The following GANAB variants were observed in gnomAD, a reference collection of about 807,000 sequenced individuals.
GANAB encodes the protein neutral alpha-glucosidase AB.
In GANAB, 35 loss-of-function variants were observed where a neutral mutation model predicts 129.9. The ratio of observed to expected loss-of-function variants is 0.27; its 90% CI spans 0.21 to 0.36. The LOEUF (loss-of-function observed/expected upper bound fraction) is 0.36. GANAB is among the 10% of genes least tolerant of loss of function. The pLI, the probability that GANAB is intolerant of heterozygous loss-of-function variation, is 1.00. For missense variants in GANAB, 939 were observed against 1,221.0 expected, an observed-to-expected ratio of 0.77 and a Z score of 3.44; for synonymous variants, 482 against 451.8, an observed-to-expected ratio of 1.07 and a Z score of -0.85.
chr11:62,640,502 C>A (rs1285968966), intron 1 of GANAB, among the ~76,000 whole-genome samples: 2 of 123,422 alleles, frequency 1.6e-5, no homozygotes, highest in African/African-American at 6.3e-5. Flanking sequence ...CACTGCACTC[C>A]AGCCTGGGTG....
rs765191082 is a variant in GANAB, at chr11:62,625,793, CT to C, written c.*21del. On this transcript the variant is annotated 3_prime_UTR_variant, in exon 24 of 24. Coordinates refer to ENST00000356638, the MANE Select transcript of GANAB (RefSeq NM_198334.3). ...GCACTAATGCTCCCCTTCCCTCCCC[CT>C]AACCCAGAACATCCCTTGGGTTATC... 13 of 1,445,352 alleles carry C rather than the reference CT, an allele frequency of 9.0e-6. No individual in the cohort carries two copies. Among genetic ancestry groups the C allele is most frequent in the African/African-American group, 2.8e-5 (2 of 71,690 alleles). 89.5% of individuals were successfully genotyped at this position (1,445,352 alleles called of 1,614,324 possible). A position where few individuals can be genotyped will look rare whatever the true frequency, so the allele number is the denominator to read the frequency against.
intron 5 of GANAB, chr11:62,634,261 A>C: frequency 1.6e-6 from 2 of 1,251,954 alleles, no homozygotes; most frequent in Non-Finnish European, 2.4e-6. Flanking sequence ...AGAGTGAGGA[A>C]TGGGTAAGGG....
At chr11:62,626,799 T>A in intron 20 of GANAB, 61 bp downstream of exon 20, 1 of 1,378,142 alleles carries the variant, frequency 7.3e-7, no homozygotes, top group Non-Finnish European at 1.0e-6. Context: ...AGGCACACAT[T>A]CCCTCCCCTT....
At chr11:62,645,606 A>T (rs1944444782) in intron 1 of GANAB, among the ~76,000 whole-genome samples, 3 of 152,028 alleles carry the variant, frequency 2.0e-5, no homozygotes, top group South Asian at 4.2e-4. Context: ...AGTCTGTAAA[A>T]TTGGTTCGGA....
chr11:62,633,524 A>G lies in GANAB; in HGVS notation c.561-10T>C, dbSNP rs1440033240. On this transcript the variant is annotated splice_polypyrimidine_tract_variant and intron_variant, in intron 5 of 23. Coordinates refer to ENST00000356638, the MANE Select transcript of GANAB (RefSeq NM_198334.3). ...GTCTTTTGATCCTTGCCTGGAAGGT[A>G]GGAGAGCTGTCTGCTCCAATCCAGA... The G allele has an allele frequency of 6.2e-7, 1 of 1,613,484 alleles. No homozygotes were observed. Among genetic ancestry groups the G allele is most frequent in the South Asian group, 1.1e-5 (1 of 91,068 alleles).
At chr11:62,642,926 G>C (rs1209012738) in intron 1 of GANAB, among the ~76,000 whole-genome samples, 1 of 152,158 alleles carries the variant, frequency 6.6e-6, no homozygotes, top group East Asian at 1.9e-4. Flanking sequence ...TAGCTGGTAA[G>C]GGATGAAACG....
chr11:62,634,451 A>T, intron 5 of GANAB: 2 of 943,810 alleles, frequency 2.1e-6, no homozygotes, highest in Non-Finnish European at 3.5e-6. Context: ...CATAAAAGTG[A>T]GTTTCAGTCG....
intron 4 of GANAB, 64 bp from the exon 5 acceptor site, chr11:62,635,064 A>G (rs1396465480): frequency 2.5e-6 from 3 of 1,196,486 alleles, no homozygotes; most frequent in South Asian, 2.6e-5. Context: ...ATGACACTTT[A>G]GAAGACCGGG....
At chr11:62,632,769 G>A in intron 8 of GANAB, 24 bp from the exon 9 acceptor site, 1 of 1,600,240 alleles carries the variant, frequency 6.2e-7, no homozygotes, top group South Asian at 1.1e-5. Context: ...GACAGACTTG[G>A]GCTGCTAACT....
Position 62,628,819 on chromosome 11 carries a change from G to A in GANAB, c.2130C>T (p.Phe710=), listed in dbSNP as rs1285439399. 1.2e-6 allele frequency: 2 copies of A among 1,614,028 alleles called. No individual in the cohort carries two copies. The highest frequency in any genetic ancestry group is 1.7e-6 in the Non-Finnish European group (2 of 1,179,920). Reference sequence around the variant, plus strand: ...GGGCCTGATATAAGAGGGTGTACCAGAAGGGCAGCAAAGAATATCGCTGGC... The same window carrying A: ...GGGCCTGATATAAGAGGGTGTACCAAAAGGGCAGCAAAGAATATCGCTGGC... ...ALGQRYSLLP[F]WYTLLYQAHR... is the part of the protein sequence containing the mutation. The change falls in exon 17 of 24, where the codon TTC becomes TTT. Residue 710 remains phenylalanine (F), a synonymous_variant. Transcript: ENST00000356638.
At chr11:62,634,382 C>T in intron 5 of GANAB, 1 of 1,598,982 alleles carries the variant, frequency 6.3e-7, no homozygotes. Context: ...GAAACTGGGG[C>T]AGGAGGAGAT....
chr11:62,634,940 G>A lies in GANAB; in HGVS notation c.441C>T (p.Tyr147=). The A allele has an allele frequency of 6.2e-7, 1 of 1,613,694 alleles. No individual in the cohort carries two copies. The highest frequency in any genetic ancestry group is 8.5e-7 in the Non-Finnish European group (1 of 1,179,570). ...SVELTMAEGP[Y]KIILTARPFR... ...ATGGCCGTGCTGTCAAGATGATCTT[G>A]TAGGGTCCCTCAGCCATGGTTAACT... Residue 147 remains tyrosine, a synonymous_variant, in exon 5 of 24, where the codon TAC becomes TAT. Coordinates refer to ENST00000356638, the MANE Select transcript of GANAB (RefSeq NM_198334.3).
In GANAB at chr11:62,627,118, G is replaced by A. The variant is rs140219733; in HGVS notation, c.2252C>T (p.Ala751Val). Residue 751 changes from alanine (A) to valine (V), a missense_variant, in exon 19 of 24, where the codon GCG becomes GTG. Ala to Val is a moderately conservative substitution (Grantham distance 64). Transcript: ENST00000356638. ...NIDDQYLLGDALLVHPVSDSG... is the reference protein window; with the variant it reads ...NIDDQYLLGDVLLVHPVSDSG... Reference sequence around the variant, plus strand: ...GTCTGATACAGGGTGAACCAGCAACGCATCCCCTAAAATATGCCAGAATCA... The same window carrying A: ...GTCTGATACAGGGTGAACCAGCAACACATCCCCTAAAATATGCCAGAATCA... 2.0e-5 allele frequency: 33 copies of A among 1,612,584 alleles called. No individual in the cohort carries two copies. Among genetic ancestry groups the A allele is most frequent in the African/African-American group, 5.3e-5 (4 of 74,946 alleles).
intron 4 of GANAB, among the ~76,000 whole-genome samples, chr11:62,637,022 A>G (rs1943976746): frequency 6.6e-6 from 1 of 152,124 alleles, no homozygotes; most frequent in African/African-American, 2.4e-5. Flanking sequence ...AAAGACTGAT[A>G]CATCTAAATA....
chr11:62,643,475 T>TA (rs1215463367), intron 1 of GANAB, among the ~76,000 whole-genome samples: 1 of 151,562 alleles, frequency 6.6e-6, no homozygotes, highest in Non-Finnish European at 1.5e-5. Context: ...CCGTCTCTAC[T>TA]AAAAATACAA....
intron 5 of GANAB, chr11:62,634,388 G>A: frequency 1.9e-6 from 3 of 1,583,196 alleles, no homozygotes; most frequent in Non-Finnish European, 2.6e-6. Context: ...GGGGCAGGAG[G>A]AGATGGGTAG....
At chr11:62,644,089 C>A (rs1195222688) in intron 1 of GANAB, among the ~76,000 whole-genome samples, 1 of 152,032 alleles carries the variant, frequency 6.6e-6, no homozygotes, top group African/African-American at 2.4e-5. Flanking sequence ...GGATTACAGG[C>A]GCGTGCCACC....
chr11:62,630,052 T>C lies in GANAB; in HGVS notation c.1594-95A>G, dbSNP rs576361117. The C allele has an allele frequency of 9.1e-5, 132 of 1,452,992 alleles. 2 individuals carry two copies. In the Middle Eastern group the frequency reaches 2.7e-3, roughly 30 times the overall value. The allele number at this position is 1,452,992 out of a possible 1,614,324, so 90.0% of individuals were successfully genotyped here. A position where few individuals can be genotyped will look rare whatever the true frequency, so the allele number is the denominator to read the frequency against. On this transcript the variant is annotated intron_variant, in intron 13 of 23. Transcript: ENST00000356638. ...GAGAGCTCCTAGGAATCTAAAAAGATGCATTTTTCAGGGCCCTCCCCGGAT... is the reference window on the plus strand; with the variant it reads ...GAGAGCTCCTAGGAATCTAAAAAGACGCATTTTTCAGGGCCCTCCCCGGAT...
At position 62,624,932 on chromosome 11, in the gene GANAB, A is replaced by G. The variant is rs1219521531; in HGVS notation, c.*883T>C. ...ACCCACAAATATTCCCCGACTCCCCATTAGTCCTCCCCCAACCCCCCACCC... is the reference window on the plus strand; with the variant it reads ...ACCCACAAATATTCCCCGACTCCCCGTTAGTCCTCCCCCAACCCCCCACCC... On this transcript the variant is annotated 3_prime_UTR_variant, in exon 24 of 24. Coordinates refer to ENST00000356638, the MANE Select transcript of GANAB (RefSeq NM_198334.3). The G allele has an allele frequency of 8.8e-6, 2 of 226,924 alleles. No homozygotes were observed. The highest frequency in any genetic ancestry group is 5.7e-5 in the Admixed American group (1 of 17,576). The allele number at this position is 226,924 out of a possible 1,614,324, so 14.1% of individuals were successfully genotyped here.
Sources: gnomAD v4.1 joint callset for allele counts (sites outside exome capture counted in the v4.1 genomes callset) on GRCh38, gnomAD v4.1.1 for gene constraint, MANE v1.5 for transcripts, NCBI Gene and HGNC (gene_info 2026-07-23, HGNC 2026-07-21) for gene names.